The following UBAC1 variants were observed in gnomAD, a reference collection of about 807,000 sequenced individuals.
The protein encoded by UBAC1 is UBA domain containing 1.
Under a neutral mutation model 45.9 loss-of-function variants are expected in UBAC1, and 27 were observed. The observed-to-expected ratio is 0.59, with a 90% CI of 0.43 to 0.81. The LOEUF (loss-of-function observed/expected upper bound fraction) is 0.81, where lower values mean the gene tolerates loss of function less well. Ranked by LOEUF, UBAC1 falls within the 30% of genes least tolerant of loss-of-function variation. The pLI, the probability that UBAC1 is intolerant of heterozygous loss-of-function variation, is 0.00. For missense variants in UBAC1, 529 were observed against 539.2 expected, an observed-to-expected ratio of 0.98 and a Z score of 0.19; for synonymous variants, 227 against 215.5, an observed-to-expected ratio of 1.05 and a Z score of -0.47.
In UBAC1 at chr9:135,945,168, G is replaced by T. The variant is rs548279809; in HGVS notation, c.736C>A (p.Pro246Thr). 6.8e-6 allele frequency: 11 copies of T among 1,613,430 alleles called. 1 individual carries two copies. The highest frequency in any genetic ancestry group is 6.7e-5 in the African/African-American group (5 of 75,032). Residue 246 changes from proline (P) to threonine (T), a missense_variant, in exon 7 of 10, where the codon CCC becomes ACC. Physicochemically the swap from Pro to Thr is conservative, Grantham distance 38. Coordinates refer to ENST00000371756, the MANE Select transcript of UBAC1 (RefSeq NM_016172.3). ...GCTGTGGCCCCCTCGGCCTCTGGGG[G>T]AGCTTGGCCAGGAAGAGGCGTGTCT... ...TIDTPLPGQA[P>T]PEAEGATAAA... is the part of the protein sequence containing the mutation.
chr9:135,944,512 T>G (rs1339307533), intron 7 of UBAC1, among the ~76,000 whole-genome samples: 4 of 152,038 alleles, frequency 2.6e-5, no homozygotes, highest in Non-Finnish European at 5.9e-5. Flanking sequence ...AATGGGGAGA[T>G]GAGGCGCGGG....
rs758269812 is a variant in UBAC1 at position 135,955,440 on chromosome 9, G to A, written c.139-25C>T. ...ACTGGGGAAAAATAGAAATTTCAAG[G>A]TAGAAAATAAGTAAATCGTAATTCT... On this transcript the variant is annotated intron_variant, in intron 1 of 9. Coordinates refer to ENST00000371756, the MANE Select transcript of UBAC1 (RefSeq NM_016172.3). The A allele has an allele frequency of 1.3e-5, 19 of 1,505,560 alleles. No homozygotes were observed. In the South Asian group the frequency reaches 2.3e-4, roughly 18 times the overall value. The allele number at this position is 1,505,560 out of a possible 1,614,324, so 93.3% of individuals were successfully genotyped here.
chr9:135,945,755 A>G, intron 6 of UBAC1, 134 bp downstream of exon 6: 1 of 657,470 alleles, frequency 1.5e-6, no homozygotes, highest in Non-Finnish European at 2.6e-6. Flanking sequence ...TATTTAAGGT[A>G]CCTCTTCAAA....
chr9:135,960,445 G>T (rs1839519414), intron 1 of UBAC1, among the ~76,000 whole-genome samples: 1 of 152,216 alleles, frequency 6.6e-6, no homozygotes, highest in African/African-American at 2.4e-5. Flanking sequence ...CTATTTCAGG[G>T]ACTCCAGCTA....
chr9:135,951,707 G>A (rs1469956327), intron 3 of UBAC1, among the ~76,000 whole-genome samples: 2 of 152,206 alleles, frequency 1.3e-5, no homozygotes, highest in Non-Finnish European at 2.9e-5. Context: ...CTACTTGGGA[G>A]GCTGAGGCAG....
intron 9 of UBAC1, among the ~76,000 whole-genome samples, chr9:135,937,371 G>C (rs1158942197): frequency 6.6e-6 from 1 of 151,418 alleles, no homozygotes; most frequent in Non-Finnish European, 1.5e-5. Flanking sequence ...AACCTGGGAG[G>C]CGGAGGTTGC....
At chr9:135,944,691 G>C (rs1010524010) in intron 7 of UBAC1, among the ~76,000 whole-genome samples, 1 of 152,252 alleles carries the variant, frequency 6.6e-6, no homozygotes, top group Admixed American at 6.5e-5. Flanking sequence ...GCCGAACAGG[G>C]GGGGCTTGTG....
At chr9:135,956,765 C>CA (rs1300104290) in intron 1 of UBAC1, among the ~76,000 whole-genome samples, 2 of 152,222 alleles carry the variant, frequency 1.3e-5, no homozygotes, top group Non-Finnish European at 2.9e-5. Flanking sequence ...CTTCAGAACT[C>CA]AGAGCTTGGA....
intron 9 of UBAC1, among the ~76,000 whole-genome samples, chr9:135,936,224 G>A (rs1200734554): frequency 6.6e-6 from 1 of 152,000 alleles, no homozygotes; most frequent in Non-Finnish European, 1.5e-5. Flanking sequence ...AGACCCCAAG[G>A]CAGCACACAC....
chr9:135,953,848 C>G, intron 2 of UBAC1, 95 bp from the exon 3 acceptor site: 1 of 1,127,268 alleles, frequency 8.9e-7, no homozygotes, highest in Non-Finnish European at 1.3e-6. Context: ...AACAGAACAG[C>G]AGGGATTCGG....
At chr9:135,946,231 G>GT (rs749223058) in intron 5 of UBAC1, 38 bp downstream of exon 5, 4 of 1,463,812 alleles carry the variant, frequency 2.7e-6, no homozygotes, top group Non-Finnish European at 3.8e-6. Context: ...GGCCGGCAGT[G>GT]AACCGCCCTG....
chr9:135,961,033 G>A lies in UBAC1; in HGVS notation c.130C>T (p.Leu44Phe). The change falls in exon 1 of 10, where the codon CTC becomes TTC. Residue 44 changes from leucine to phenylalanine, a missense_variant. Transcript: ENST00000371756. ...AGGGGGCCCGGCCTTACGTGCTTGA[G>A]GCAGCGCTCCTTGAGCTTCTCCACC... Reference protein sequence around the residue: ...TSVEKLKERCLKHCAHGSLED... With the variant: ...TSVEKLKERCFKHCAHGSLED... 1 of 1,566,106 alleles carries A rather than the reference G, an allele frequency of 6.4e-7. No individual in the cohort carries two copies. Among genetic ancestry groups the A allele is most frequent in the Non-Finnish European group, 8.6e-7 (1 of 1,161,842 alleles).
intron 8 of UBAC1, among the ~76,000 whole-genome samples, chr9:135,938,781 T>G (rs1236141215): frequency 7.3e-6 from 1 of 137,554 alleles, no homozygotes; most frequent in Non-Finnish European, 1.6e-5. Flanking sequence ...CTTGGAGGTG[T>G]GAGCCACGAA....
rs527548496 is a variant in UBAC1 at position 135,941,732 on chromosome 9, G to A, written c.877-1973C>T. ...CTTGCTTGTGGGCAATGGGAGAGGG[G>A]CCTTGCGCTCACGGGCTGCAGGACG... On this transcript the variant is annotated intron_variant, in intron 7 of 9. Transcript: ENST00000371756. Among the ~76,000 whole-genome samples the A allele has an allele frequency of 5.4e-4, 83 of 152,372 alleles. 1 individual carries two copies. Among genetic ancestry groups the A allele is most frequent in the Non-Finnish European group, 1.1e-3 (76 of 68,034 alleles).
intron 7 of UBAC1, among the ~76,000 whole-genome samples, chr9:135,940,108 A>C (rs1167940677): frequency 3.3e-5 from 5 of 152,118 alleles, no homozygotes; most frequent in Admixed American, 1.3e-4. Context: ...GTTTGTCCCG[A>C]TGACTGTGTG....
At chr9:135,944,988 C>A in intron 7 of UBAC1, 40 bp downstream of exon 7, 2 of 1,578,064 alleles carry the variant, frequency 1.3e-6, no homozygotes, top group Non-Finnish European at 1.7e-6. Flanking sequence ...CAAGGGAAGA[C>A]ACAGCGACTC....
chr9:135,956,494 C>T (rs1839467839), intron 1 of UBAC1, among the ~76,000 whole-genome samples: 1 of 152,208 alleles, frequency 6.6e-6, no homozygotes, highest in South Asian at 2.1e-4. Flanking sequence ...GAGGTCGGCA[C>T]ATGTGCCTGC....
At chr9:135,956,244 C>T (rs1839464500) in intron 1 of UBAC1, among the ~76,000 whole-genome samples, 1 of 152,196 alleles carries the variant, frequency 6.6e-6, no homozygotes. Context: ...GAGCAGACGG[C>T]CATGACCCCT....
intron 1 of UBAC1, among the ~76,000 whole-genome samples, chr9:135,956,691 G>C (rs566477231): frequency 2.0e-5 from 3 of 152,314 alleles, no homozygotes; most frequent in Middle Eastern, 3.4e-3. Flanking sequence ...GGGGTGAGAG[G>C]AGAGGGGCTG....
Sources: allele counts gnomAD v4.1 joint callset (sites outside exome capture counted in the v4.1 genomes callset), GRCh38; gene constraint gnomAD v4.1.1; transcripts MANE v1.5; gene names NCBI Gene and HGNC (gene_info 2026-07-23, HGNC 2026-07-21).